Variants in TMEM132D observed in about 807,000 individuals in gnomAD.
TMEM132D encodes the protein transmembrane protein 132D.
In TMEM132D, 21 loss-of-function variants were observed where a neutral mutation model predicts 62.3. The observed-to-expected ratio is 0.34, with a 90% CI of 0.24 to 0.49. The LOEUF (loss-of-function observed/expected upper bound fraction) is 0.49. Among genes scored for constraint, TMEM132D ranks in the 20% least tolerant of loss-of-function variants. TMEM132D has a pLI of 0.99. For missense variants in TMEM132D, 1,346 were observed against 1,402.8 expected (o/e 0.96, Z 0.65); for synonymous variants, 621 against 575.6 (o/e 1.08, Z -1.13).
chr12:129,496,680 A>G (rs2137064104), intron 3 of TMEM132D, among the ~76,000 whole-genome samples: 1 of 148,724 alleles, frequency 6.7e-6, no homozygotes, highest in East Asian at 2.0e-4. Context: ...TAAAAAAAAA[A>G]TGCAAGCAAT....
At chr12:129,127,742 A>G (rs1876257280) in intron 5 of TMEM132D, among the ~76,000 whole-genome samples, 1 of 151,896 alleles carries the variant, frequency 6.6e-6, no homozygotes, top group Non-Finnish European at 1.5e-5. Context: ...TAAGTTTCCA[A>G]ATGTGAGATG....
At chr12:129,836,229 A>C (rs192840191) in intron 1 of TMEM132D, among the ~76,000 whole-genome samples, 19 of 152,288 alleles carry the variant, frequency 1.2e-4, no homozygotes, top group Admixed American at 3.9e-4. Context: ...ACAATCCTTT[A>C]AAAATCCTTT....
At chr12:129,616,288 G>T (rs1878916105) in intron 2 of TMEM132D, among the ~76,000 whole-genome samples, 1 of 152,122 alleles carries the variant, frequency 6.6e-6, no homozygotes, top group Admixed American at 6.5e-5. Context: ...TTCAGTATTT[G>T]CTTACATGAA....
intron 5 of TMEM132D, among the ~76,000 whole-genome samples, chr12:129,107,168 C>T (rs1159256028): frequency 3.9e-5 from 6 of 152,086 alleles, no homozygotes; most frequent in African/African-American, 9.7e-5. Flanking sequence ...TGAAATGGCA[C>T]CAAATTTCTG....
intron 4 of TMEM132D, among the ~76,000 whole-genome samples, chr12:129,241,223 C>T (rs1879929980): frequency 6.8e-6 from 1 of 146,646 alleles, no homozygotes; most frequent in Non-Finnish European, 1.5e-5. Flanking sequence ...AGTGAAGAGA[C>T]AATCCATAGA....
At chr12:129,619,250 G>C (rs1018173860) in intron 2 of TMEM132D, among the ~76,000 whole-genome samples, 1 of 152,132 alleles carries the variant, frequency 6.6e-6, no homozygotes, top group Non-Finnish European at 1.5e-5. Flanking sequence ...TCAGATGGTC[G>C]AGGGGCCTTC....
intron 5 of TMEM132D, among the ~76,000 whole-genome samples, chr12:129,097,300 A>G (rs971669913): frequency 6.6e-6 from 1 of 152,260 alleles, no homozygotes; most frequent in Admixed American, 6.5e-5. Context: ...GAGAACCAGT[A>G]TTCTCAGCCC....
intron 1 of TMEM132D, among the ~76,000 whole-genome samples, chr12:129,818,855 C>T (rs1461076342): frequency 6.6e-6 from 1 of 151,772 alleles, no homozygotes; most frequent in East Asian, 1.9e-4. Flanking sequence ...GGCAACATAG[C>T]GAGACCCTGT....
At chr12:129,419,164 T>C (rs938355001) in intron 3 of TMEM132D, among the ~76,000 whole-genome samples, 10 of 148,896 alleles carry the variant, frequency 6.7e-5, no homozygotes, top group African/African-American at 2.5e-4. Flanking sequence ...CCCTATTTCT[T>C]CTATTTCCTT....
intron 5 of TMEM132D, among the ~76,000 whole-genome samples, chr12:129,187,414 T>C (rs1878248963): frequency 6.6e-6 from 1 of 152,104 alleles, no homozygotes. Context: ...AACTTGGAGA[T>C]AAGGTGAGTC....
Position 129,190,984 on chromosome 12 carries a change from C to T in TMEM132D, c.1443+18536G>A, listed in dbSNP as rs182428008. Among the ~76,000 whole-genome samples, 398 of 145,116 alleles carry T rather than the reference C, an allele frequency of 2.7e-3. 2 individuals are homozygous for T. Among genetic ancestry groups the T allele is most frequent in the African/African-American group, 9.4e-3 (368 of 39,222 alleles). On this transcript the variant is annotated intron_variant, in intron 5 of 8. Transcript: ENST00000422113. ...TAGTCTCAGGTGTGGCCTGTGGTCT[C>T]CAGCAAGCTGTTTCCCCTCCTTCCA...
intron 3 of TMEM132D, among the ~76,000 whole-genome samples, chr12:129,446,142 G>A (rs1274285827): frequency 2.6e-5 from 4 of 152,138 alleles, no homozygotes; most frequent in Admixed American, 2.6e-4. Flanking sequence ...TCTAGCAGCT[G>A]GTGGATGTAG....
At chr12:129,550,305 T>G (rs192762989) in intron 2 of TMEM132D, among the ~76,000 whole-genome samples, 2 of 152,296 alleles carry the variant, frequency 1.3e-5, no homozygotes, top group Admixed American at 1.3e-4. Context: ...CTTCAGGAAC[T>G]AAAGATGAGG....
At chr12:129,566,889 C>T (rs779085640) in intron 2 of TMEM132D, among the ~76,000 whole-genome samples, 1 of 152,232 alleles carries the variant, frequency 6.6e-6, no homozygotes, top group African/African-American at 2.4e-5. Flanking sequence ...AATAATAACT[C>T]TTTCAACAAA....
intron 1 of TMEM132D, chr12:129,853,734 T>C (rs1873620026): frequency 6.6e-6 from 1 of 152,086 alleles, no homozygotes; most frequent in South Asian, 2.1e-4. Flanking sequence ...GTGGGTCCCC[T>C]CTGAATGCCA....
intron 5 of TMEM132D, among the ~76,000 whole-genome samples, chr12:129,101,985 T>G (rs796215305): frequency 0.23 from 17,648 of 77,402 alleles, 3,823 homozygotes; most frequent in African/African-American, 0.51. Context: ...AAAGCTGCTG[T>G]TTTTTTTTTT....
At chr12:129,205,583 C>G (rs1391778524) in intron 5 of TMEM132D, among the ~76,000 whole-genome samples, 3 of 152,072 alleles carry the variant, frequency 2.0e-5, no homozygotes, top group African/African-American at 2.4e-5. Context: ...TTCAACATCC[C>G]ATTGACAGTA....
At chr12:129,898,092 A>T (rs951642413) in intron 1 of TMEM132D, among the ~76,000 whole-genome samples, 3 of 152,170 alleles carry the variant, frequency 2.0e-5, no homozygotes, top group African/African-American at 7.2e-5. Context: ...AATTATCCTC[A>T]TAAGTCACTC....
At chr12:129,870,969 A>T (rs368602232) in intron 1 of TMEM132D, among the ~76,000 whole-genome samples, 2 of 152,118 alleles carry the variant, frequency 1.3e-5, no homozygotes, top group African/African-American at 2.4e-5. Context: ...CAGAGCTGAC[A>T]TTAGAACACC....
Sources: gnomAD v4.1 joint callset for allele counts (sites outside exome capture counted in the v4.1 genomes callset) on GRCh38, gnomAD v4.1.1 for gene constraint, MANE v1.5 for transcripts, NCBI Gene and HGNC (gene_info 2026-07-23, HGNC 2026-07-21) for gene names.